Variants in CRYL1 observed in about 807,000 individuals in gnomAD.
CRYL1 encodes the protein crystallin lambda 1, also known as lambda-crystallin homolog.
Under a neutral mutation model 36.6 loss-of-function variants are expected in CRYL1, and 29 were observed. The ratio of observed to expected loss-of-function variants is 0.79; its 90% CI spans 0.59 to 1.08. The LOEUF (loss-of-function observed/expected upper bound fraction) is 1.08. Among genes scored for constraint, CRYL1 ranks in the 50% least tolerant of loss-of-function variants. The probability of loss-of-function intolerance (pLI) is 0.00; values close to 1 mark genes in which losing one functional copy is unlikely to be tolerated. For missense variants in CRYL1, 411 were observed against 407.9 expected, an observed-to-expected ratio of 1.01 and a Z score of -0.06; for synonymous variants, 152 against 151.5, an observed-to-expected ratio of 1.00 and a Z score of -0.02.
At chr13:20,471,876 G>A (rs963647967) in intron 3 of CRYL1, among the ~76,000 whole-genome samples, 71 of 143,838 alleles carry the variant, frequency 4.9e-4, no homozygotes, top group South Asian at 8.7e-4. Context: ...TTTTTGAGAC[G>A]TAGTCTCACT....
At chr13:20,519,384 C>G (rs778710064) in intron 1 of CRYL1, among the ~76,000 whole-genome samples, 5 of 152,134 alleles carry the variant, frequency 3.3e-5, no homozygotes, top group Non-Finnish European at 7.3e-5. Context: ...TGATGAAAGA[C>G]TGCTCAGGGT....
chr13:20,440,750 A>G (rs760415980), intron 3 of CRYL1, among the ~76,000 whole-genome samples: 2 of 152,212 alleles, frequency 1.3e-5, no homozygotes, highest in Non-Finnish European at 2.9e-5. Flanking sequence ...TCCATTTCTA[A>G]TTGGAGGTCC....
intron 2 of CRYL1, among the ~76,000 whole-genome samples, chr13:20,505,359 C>CAAA (rs61380702): frequency 1.9e-4 from 17 of 91,202 alleles, no homozygotes; most frequent in South Asian, 4.7e-4. Flanking sequence ...TCTATCCCAC[C>CAAA]AAAAAAAAAA....
intron 5 of CRYL1, among the ~76,000 whole-genome samples, chr13:20,420,604 G>C (rs1029490295): frequency 6.6e-6 from 1 of 151,504 alleles, no homozygotes; most frequent in Non-Finnish European, 1.5e-5. Context: ...GTTCATAATA[G>C]AGACTAGACA....
chr13:20,432,922 G>A (rs769369647), intron 4 of CRYL1, among the ~76,000 whole-genome samples: 19 of 152,228 alleles, frequency 1.2e-4, no homozygotes, highest in Non-Finnish European at 1.6e-4. Context: ...GAAGGCTGAA[G>A]TGGGAGAATC....
intron 5 of CRYL1, chr13:20,426,718 T>G (rs966830539): frequency 5.1e-5 from 50 of 985,272 alleles, no homozygotes; most frequent in Non-Finnish European, 5.5e-5. Context: ...TTTTACTACA[T>G]GATCTTTGAG....
chr13:20,427,733 G>C (rs1372627735), intron 5 of CRYL1, among the ~76,000 whole-genome samples: 1 of 54,212 alleles, frequency 1.8e-5, no homozygotes, highest in Non-Finnish European at 4.0e-5. Flanking sequence ...ACAAAAAGTT[G>C]CTCCTCAAAA....
At chr13:20,441,057 C>T (rs964622115) in intron 3 of CRYL1, among the ~76,000 whole-genome samples, 6 of 152,248 alleles carry the variant, frequency 3.9e-5, no homozygotes, top group African/African-American at 1.4e-4. Flanking sequence ...AGCTGTCCTT[C>T]CCCTCCTGAC....
At chr13:20,497,307 C>T (rs1215228983) in intron 2 of CRYL1, among the ~76,000 whole-genome samples, 1 of 129,644 alleles carries the variant, frequency 7.7e-6, no homozygotes, top group Non-Finnish European at 1.6e-5. Context: ...CTACACACAC[C>T]GCATATACAC....
chr13:20,447,085 G>A (rs2032471795), intron 3 of CRYL1, among the ~76,000 whole-genome samples: 1 of 152,140 alleles, frequency 6.6e-6, no homozygotes, highest in African/African-American at 2.4e-5. Context: ...TCTGGCACAG[G>A]GCAACTGACA....
chr13:20,471,845 C>G (rs990444373), intron 3 of CRYL1, among the ~76,000 whole-genome samples: 4 of 151,580 alleles, frequency 2.6e-5, no homozygotes, highest in East Asian at 1.9e-4. Context: ...TTCTCTCTCT[C>G]TCTTCCTTTC....
Position 20,418,170 on chromosome 13 carries a change from A to C in CRYL1, c.634-4783T>G, listed in dbSNP as rs116524096. On this transcript the variant is annotated intron_variant, in intron 5 of 7. Transcript: ENST00000298248. ...CTATGGAGAATAATCTCATTTACTT[A>C]AAGTCAACTATGTACCAAATACCTT... 5.4e-3 allele frequency among the ~76,000 whole-genome samples: 820 copies of C among 152,282 alleles called. 5 individuals carry two copies. The highest frequency in any genetic ancestry group is 0.018 in the African/African-American group (729 of 41,550).
chr13:20,466,859 G>A (rs7140099), intron 3 of CRYL1, among the ~76,000 whole-genome samples: 146,330 of 152,240 alleles, frequency 0.96, 70,575 homozygotes, highest in East Asian at 1. Flanking sequence ...TTATACATCC[G>A]TCAACAGGGA....
intron 5 of CRYL1, among the ~76,000 whole-genome samples, chr13:20,423,420 G>A (rs910597027): frequency 1.3e-5 from 2 of 152,058 alleles, no homozygotes; most frequent in African/African-American, 4.8e-5. Context: ...GACCTTTATC[G>A]TGTTGAGGAA....
At position 20,447,676 on chromosome 13, in the gene CRYL1, A is replaced by AC. The variant is rs1018066232; in HGVS notation, c.277-7923dup. 9.9e-4 allele frequency among the ~76,000 whole-genome samples: 151 copies of AC among 152,286 alleles called. 2 individuals carry two copies. Among genetic ancestry groups the AC allele is most frequent in the African/African-American group, 3.1e-3 (130 of 41,564 alleles). On this transcript the variant is annotated intron_variant, in intron 3 of 7. Coordinates refer to ENST00000298248, the MANE Select transcript of CRYL1 (RefSeq NM_015974.3). ...GAGCAAGTACTAAGGAGGAAAAAAA[A>AC]CCCCACAAAACCCTCTGGCCAACCA...
intron 3 of CRYL1, among the ~76,000 whole-genome samples, chr13:20,488,611 G>A (rs2033447063): frequency 2.0e-5 from 3 of 152,184 alleles, no homozygotes; most frequent in South Asian, 2.1e-4. Context: ...ACAGAGTAAC[G>A]ACGTGAAATG....
chr13:20,520,268 G>A (rs1350987846), intron 1 of CRYL1, among the ~76,000 whole-genome samples: 1 of 152,136 alleles, frequency 6.6e-6, no homozygotes, highest in Admixed American at 6.5e-5. Context: ...ATTACCAGAG[G>A]GAAAAATGGG....
intron 6 of CRYL1, among the ~76,000 whole-genome samples, chr13:20,408,704 A>G (rs919897625): frequency 1.3e-5 from 2 of 152,152 alleles, no homozygotes; most frequent in Non-Finnish European, 2.9e-5. Flanking sequence ...ATACACCAAC[A>G]ACAGACAAAC....
At chr13:20,520,831 C>T (rs1309900439) in intron 1 of CRYL1, among the ~76,000 whole-genome samples, 2 of 152,118 alleles carry the variant, frequency 1.3e-5, no homozygotes, top group South Asian at 2.1e-4. Flanking sequence ...CCGGGCCGGG[C>T]ACGGTGGCTC....
Sources: gnomAD v4.1 joint callset for allele counts (sites outside exome capture counted in the v4.1 genomes callset) on GRCh38, gnomAD v4.1.1 for gene constraint, MANE v1.5 for transcripts, NCBI Gene and HGNC (gene_info 2026-07-23, HGNC 2026-07-21) for gene names.